ESRRG: variants seen among roughly 807,000 people sequenced by gnomAD.
ESRRG encodes the protein estrogen related receptor gamma, also known as estrogen-related receptor gamma.
Under a neutral mutation model 44.0 loss-of-function variants are expected in ESRRG, and 13 were observed. The ratio of observed to expected loss-of-function variants is 0.30; its 90% CI spans 0.19 to 0.47. The LOEUF is 0.47. ESRRG is among the 20% of genes least tolerant of loss of function. The pLI, the probability that ESRRG is intolerant of heterozygous loss-of-function variation, is 1.00. For synonymous variants in ESRRG, 215 were observed against 214.6 expected (o/e 1.00, Z -0.02); for missense variants, 395 against 580.6 (o/e 0.68, Z 3.29).
At chr1:216,621,455 A>T (rs1438760930) in intron 3 of ESRRG, among the ~76,000 whole-genome samples, 1 of 152,164 alleles carries the variant, frequency 6.6e-6, no homozygotes, top group East Asian at 1.9e-4. Flanking sequence ...GAAAAAGGAG[A>T]TGGAGAAAGA....
At chr1:216,537,117 C>T (rs1246490039) in intron 5 of ESRRG, among the ~76,000 whole-genome samples, 1 of 151,914 alleles carries the variant, frequency 6.6e-6, no homozygotes, top group Non-Finnish European at 1.5e-5. Flanking sequence ...ATCCTATCGC[C>T]AAAGGTATGA....
intron 1 of ESRRG, among the ~76,000 whole-genome samples, chr1:216,708,039 A>T (rs575703222): frequency 6.6e-6 from 1 of 152,326 alleles, no homozygotes; most frequent in South Asian, 2.1e-4. Context: ...TGTTAGATTA[A>T]TTTTTTAAGA....
chr1:216,809,346 AAC>A (rs1248353412), intron 2 of ESRRG, among the ~76,000 whole-genome samples: 106 of 140,194 alleles, frequency 7.6e-4, no homozygotes, highest in Middle Eastern at 3.7e-3. Flanking sequence ...AAAAAAAAAA[AAC>A]CCCATGAGAA....
chr1:217,036,398 A>T (rs931030908), intron 1 of ESRRG, among the ~76,000 whole-genome samples: 1 of 152,210 alleles, frequency 6.6e-6, no homozygotes, highest in Non-Finnish European at 1.5e-5. Flanking sequence ...CATAGCAAAG[A>T]CATGGAATCA....
intron 2 of ESRRG, among the ~76,000 whole-genome samples, chr1:216,807,423 A>G (rs2094831101): frequency 6.6e-6 from 1 of 152,130 alleles, no homozygotes; most frequent in Non-Finnish European, 1.5e-5. Context: ...GATCAGTTTA[A>G]TTTACAAACT....
chr1:216,912,175 GAAAAGAAA>G lies in ESRRG; in HGVS notation c.-14+27399_-14+27406del, dbSNP rs1359743515. Among the ~76,000 whole-genome samples, 184 of 23,076 alleles carry G rather than the reference GAAAAGAAA, an allele frequency of 8.0e-3. 22 individuals carry two copies. The highest frequency in any genetic ancestry group is 0.012 in the East Asian group (6 of 482). 15.1% of individuals were successfully genotyped at this position (23,076 alleles called of 152,430 possible). On this transcript the variant is annotated intron_variant, in intron 2 of 7. Transcript: ENST00000359162. ...GAAAAGAAAAGAAAAGAAAAGAAAA[GAAAAGAAA>G]AGGAGAGGAGAGGAGAGGAGAGGAG...
chr1:217,106,650 T>G (rs2092600809), intron 1 of ESRRG, among the ~76,000 whole-genome samples: 1 of 152,204 alleles, frequency 6.6e-6, no homozygotes, highest in Non-Finnish European at 1.5e-5. Flanking sequence ...TTCCCTATCC[T>G]GTTACAAGCT....
At chr1:217,007,648 A>G (rs964292579) in intron 1 of ESRRG, among the ~76,000 whole-genome samples, 9 of 152,188 alleles carry the variant, frequency 5.9e-5, no homozygotes, top group Non-Finnish European at 1.3e-4. Flanking sequence ...TTCTTAAGCT[A>G]TTTATTTTGA....
chr1:216,521,848 CATTA>C (rs1226932043), intron 5 of ESRRG, among the ~76,000 whole-genome samples: 1 of 152,028 alleles, frequency 6.6e-6, no homozygotes, highest in Non-Finnish European at 1.5e-5. Flanking sequence ...TTTCAGGACA[CATTA>C]ATTAACAGAT....
chr1:216,831,558 G>A lies in ESRRG; in HGVS notation c.-14+108024C>T, dbSNP rs189879185. 4.6e-3 allele frequency among the ~76,000 whole-genome samples: 699 copies of A among 151,956 alleles called. 6 individuals are homozygous for A. In the Middle Eastern group the frequency reaches 0.054, roughly 12 times the overall value. ...AGGGAGAGAAAGAGGGAGAGGAAGG[G>A]AGGAAGGAAAGAAGAGAAAGAGATT... On this transcript the variant is annotated intron_variant, in intron 2 of 7. Transcript: ENST00000359162.
intron 2 of ESRRG, among the ~76,000 whole-genome samples, chr1:216,656,592 T>C (rs2070663990): frequency 6.6e-6 from 1 of 152,222 alleles, no homozygotes. Flanking sequence ...ATAATTTGTA[T>C]ATTCCTTTCA....
intron 2 of ESRRG, among the ~76,000 whole-genome samples, chr1:216,842,065 A>G (rs1441592023): frequency 6.6e-6 from 1 of 152,160 alleles, no homozygotes; most frequent in Non-Finnish European, 1.5e-5. Context: ...TGGTAAAAGT[A>G]AGGCCAGAAG....
At chr1:216,539,919 C>G (rs903025406) in intron 5 of ESRRG, among the ~76,000 whole-genome samples, 3 of 151,838 alleles carry the variant, frequency 2.0e-5, no homozygotes, top group African/African-American at 7.3e-5. Context: ...ATTCTACCCT[C>G]TAAAGAACAG....
At chr1:216,606,636 G>T (rs1048761797) in intron 3 of ESRRG, among the ~76,000 whole-genome samples, 1 of 152,046 alleles carries the variant, frequency 6.6e-6, no homozygotes, top group Non-Finnish European at 1.5e-5. Flanking sequence ...GAACGCAAGG[G>T]TACAGAAGAT....
intron 3 of ESRRG, among the ~76,000 whole-genome samples, chr1:216,605,321 A>G (rs1464103453): frequency 6.6e-6 from 1 of 152,240 alleles, no homozygotes; most frequent in Non-Finnish European, 1.5e-5. Flanking sequence ...CTGTACTTTC[A>G]CAATATGAGA....
intron 3 of ESRRG, among the ~76,000 whole-genome samples, chr1:216,615,314 C>A (rs1396647317): frequency 6.6e-6 from 1 of 152,216 alleles, no homozygotes; most frequent in Non-Finnish European, 1.5e-5. Flanking sequence ...ACTCTTTGAG[C>A]ACTTCTTTCC....
At chr1:216,760,202 T>C (rs888971841) in intron 2 of ESRRG, among the ~76,000 whole-genome samples, 2 of 151,920 alleles carry the variant, frequency 1.3e-5, no homozygotes, top group Non-Finnish European at 2.9e-5. Context: ...CCTGCATGGA[T>C]AGATGCATAG....
At chr1:216,779,777 G>C (rs1369162103) in intron 2 of ESRRG, among the ~76,000 whole-genome samples, 1 of 150,506 alleles carries the variant, frequency 6.6e-6, no homozygotes, top group Non-Finnish European at 1.5e-5. Flanking sequence ...ATTCATGTAG[G>C]CAGATGTTAG....
At chr1:217,120,637 A>G (rs1040644509) in intron 1 of ESRRG, among the ~76,000 whole-genome samples, 3 of 152,110 alleles carry the variant, frequency 2.0e-5, no homozygotes, top group African/African-American at 7.2e-5. Flanking sequence ...GCCCCATTGA[A>G]CTAGGTTTTT....
Sources: gnomAD v4.1 joint callset for allele counts (sites outside exome capture counted in the v4.1 genomes callset) on GRCh38, gnomAD v4.1.1 for gene constraint, MANE v1.5 for transcripts, NCBI Gene and HGNC (gene_info 2026-07-23, HGNC 2026-07-21) for gene names.